The following LUZP2 variants were observed in gnomAD, a reference collection of about 807,000 sequenced individuals.
The protein encoded by LUZP2 is leucine zipper protein 2.
In LUZP2, 52 loss-of-function variants were observed where a neutral mutation model predicts 51.6. The observed-to-expected ratio is 1.01, with a 90% CI of 0.81 to 1.27. The LOEUF (loss-of-function observed/expected upper bound fraction) is 1.27. Among genes scored for constraint, LUZP2 ranks in the 50% most tolerant of loss-of-function variants. The pLI is 0.00. For missense variants in LUZP2, 436 were observed against 395.4 expected, an observed-to-expected ratio of 1.10 and a Z score of -0.87; for synonymous variants, 154 against 137.3, an observed-to-expected ratio of 1.12 and a Z score of -0.85.
At chr11:24,617,912 A>T (rs1190359141) in intron 1 of LUZP2, among the ~76,000 whole-genome samples, 1 of 152,198 alleles carries the variant, frequency 6.6e-6, no homozygotes, top group East Asian at 1.9e-4. Flanking sequence ...GTATTATGTT[A>T]TGAAACTCTT....
At chr11:24,552,621 C>T (rs941459378) in intron 1 of LUZP2, among the ~76,000 whole-genome samples, 2 of 151,870 alleles carry the variant, frequency 1.3e-5, no homozygotes, top group African/African-American at 2.4e-5. Context: ...TTGATAGATA[C>T]AAGATCAGCT....
chr11:24,648,413 T>G (rs1010404708), intron 1 of LUZP2, among the ~76,000 whole-genome samples: 3 of 152,018 alleles, frequency 2.0e-5, no homozygotes, highest in African/African-American at 7.2e-5. Context: ...AGGGAATTTG[T>G]TGCAAAATTC....
chr11:24,806,639 G>T (rs995622412), intron 5 of LUZP2, among the ~76,000 whole-genome samples: 2 of 152,108 alleles, frequency 1.3e-5, no homozygotes, highest in Non-Finnish European at 2.9e-5. Flanking sequence ...GTGAAATGAG[G>T]TAAGGCAATG....
intron 1 of LUZP2, among the ~76,000 whole-genome samples, chr11:24,624,546 A>T (rs559998972): frequency 6.6e-6 from 1 of 152,306 alleles, no homozygotes; most frequent in Admixed American, 6.5e-5. Flanking sequence ...CCCTGCAATC[A>T]TTGTAAGGAA....
chr11:24,662,041 C>G (rs187362280), intron 1 of LUZP2, among the ~76,000 whole-genome samples: 1 of 151,698 alleles, frequency 6.6e-6, no homozygotes, highest in African/African-American at 2.4e-5. Context: ...ACAATGCCAC[C>G]GACAGGCAAA....
At position 24,755,859 on chromosome 11, in the gene LUZP2, CA is replaced by C. The variant is rs567682240; in HGVS notation, c.334-7386del. Reference sequence around the variant, plus strand: ...TTTACCTCAAAATATGTTTTCTTACCATATTTTGAAATGGCTCTTTTTATCT... The same window carrying C: ...TTTACCTCAAAATATGTTTTCTTACCTATTTTGAAATGGCTCTTTTTATCT... On this transcript the variant is annotated intron_variant, in intron 4 of 11. Coordinates refer to ENST00000336930, the MANE Select transcript of LUZP2 (RefSeq NM_001009909.4). Among the ~76,000 whole-genome samples, 273 of 152,174 alleles carry C rather than the reference CA, an allele frequency of 1.8e-3. 1 individual carries two copies. Among genetic ancestry groups the C allele is most frequent in the African/African-American group, 6.2e-3 (256 of 41,520 alleles).
At chr11:24,908,323 A>G (rs117920535) in intron 6 of LUZP2, among the ~76,000 whole-genome samples, 4 of 152,334 alleles carry the variant, frequency 2.6e-5, no homozygotes, top group Non-Finnish European at 5.9e-5. Flanking sequence ...TGCTGTTTGA[A>G]CATGAAATTA....
chr11:25,010,279 C>T (rs1425375170), intron 9 of LUZP2, among the ~76,000 whole-genome samples: 2 of 152,270 alleles, frequency 1.3e-5, no homozygotes, highest in South Asian at 2.1e-4. Context: ...GCTGCCCTGG[C>T]ACTGTGGCTC....
intron 1 of LUZP2, among the ~76,000 whole-genome samples, chr11:24,663,199 G>A (rs1461259862): frequency 6.6e-6 from 1 of 152,132 alleles, no homozygotes; most frequent in Non-Finnish European, 1.5e-5. Flanking sequence ...GGAGGGCTCT[G>A]GTGGGAGGGG....
chr11:24,798,603 G>GGGACA (rs1849611056), intron 5 of LUZP2, among the ~76,000 whole-genome samples: 1 of 152,154 alleles, frequency 6.6e-6, no homozygotes, highest in Non-Finnish European at 1.5e-5. Flanking sequence ...GAGCACACAA[G>GGGACA]GGACATTTAG....
chr11:24,832,928 A>G (rs928528012), intron 5 of LUZP2, among the ~76,000 whole-genome samples: 2 of 152,174 alleles, frequency 1.3e-5, no homozygotes, highest in African/African-American at 4.8e-5. Context: ...TACATAACTT[A>G]GAGGCCAGAG....
intron 1 of LUZP2, among the ~76,000 whole-genome samples, chr11:24,721,877 G>T (rs1357141685): frequency 2.0e-5 from 3 of 152,016 alleles, no homozygotes; most frequent in Non-Finnish European, 4.4e-5. Context: ...AGACTCTTGG[G>T]TATCTATATA....
chr11:24,646,976 T>C (rs572757713), intron 1 of LUZP2, among the ~76,000 whole-genome samples: 39 of 152,188 alleles, frequency 2.6e-4, no homozygotes, highest in African/African-American at 7.5e-4. Context: ...TTTTCATTAC[T>C]TGGAGACCTT....
chr11:24,702,256 T>C (rs1857441259), intron 1 of LUZP2, among the ~76,000 whole-genome samples: 1 of 152,188 alleles, frequency 6.6e-6, no homozygotes. Context: ...CTTTAAAAAA[T>C]AATTACAATA....
At chr11:24,639,267 CTA>C (rs1855203347) in intron 1 of LUZP2, among the ~76,000 whole-genome samples, 1 of 151,752 alleles carries the variant, frequency 6.6e-6, no homozygotes, top group East Asian at 1.9e-4. Flanking sequence ...CTCTGCATTT[CTA>C]TGATGGGTCA....
intron 6 of LUZP2, among the ~76,000 whole-genome samples, chr11:24,910,825 C>G (rs1487408851): frequency 6.6e-6 from 1 of 152,142 alleles, no homozygotes; most frequent in Non-Finnish European, 1.5e-5. Context: ...AGAGAGCCAC[C>G]GTCCTCCAGA....
At chr11:24,673,883 T>C (rs892634612) in intron 1 of LUZP2, among the ~76,000 whole-genome samples, 7 of 152,204 alleles carry the variant, frequency 4.6e-5, no homozygotes, top group African/African-American at 1.4e-4. Context: ...TCCTAAACCA[T>C]CTAAATTTGT....
At chr11:24,904,721 GT>G (rs1853394085) in intron 5 of LUZP2, among the ~76,000 whole-genome samples, 1 of 152,064 alleles carries the variant, frequency 6.6e-6, no homozygotes, top group Admixed American at 6.6e-5. Context: ...TCTCTTCACT[GT>G]ATTGTTTTCT....
In LUZP2 at chr11:25,032,099, G is replaced by A. The variant is rs142057030; in HGVS notation, c.766-17939G>A. Reference sequence around the variant, plus strand: ...TGCAAATAGAGGAAAGAAGCCATAAGCCAAAGGATGTGACTAGGCTCTAAC... The same window carrying A: ...TGCAAATAGAGGAAAGAAGCCATAAACCAAAGGATGTGACTAGGCTCTAAC... On this transcript the variant is annotated intron_variant, in intron 9 of 11. Transcript: ENST00000336930. 2.2e-3 allele frequency among the ~76,000 whole-genome samples: 329 copies of A among 152,222 alleles called. 1 individual carries two copies. The highest frequency in any genetic ancestry group is 7.6e-3 in the African/African-American group (314 of 41,538).
Sources: gnomAD v4.1 joint callset for allele counts (sites outside exome capture counted in the v4.1 genomes callset) on GRCh38, gnomAD v4.1.1 for gene constraint, MANE v1.5 for transcripts, NCBI Gene and HGNC (gene_info 2026-07-23, HGNC 2026-07-21) for gene names.